LRP1B: variants seen among roughly 807,000 people sequenced by gnomAD.
LRP1B encodes LDL receptor related protein 1B, also known as low-density lipoprotein receptor-related protein 1B.
A neutral mutation model predicts 556.6 loss-of-function variants in LRP1B; 217 were observed. The observed-to-expected ratio is 0.39, with a 90% CI of 0.35 to 0.44. LRP1B has a LOEUF of 0.44. LRP1B is among the 20% of genes least tolerant of loss of function. The probability of loss-of-function intolerance (pLI) is 1.00; values close to 1 mark genes in which losing one functional copy is unlikely to be tolerated. For synonymous variants in LRP1B, 2,047 were observed against 1,865.8 expected (o/e 1.10, Z -2.50); for missense variants, 5,053 against 5,620.8 (o/e 0.90, Z 3.23).
At chr2:140,304,817 T>TATACAA (rs1400160076) in intron 83 of LRP1B, among the ~76,000 whole-genome samples, 1 of 152,214 alleles carries the variant, frequency 6.6e-6, no homozygotes, top group Non-Finnish European at 1.5e-5. Context: ...TAATCCATCT[T>TATACAA]GAATTAATTT....
intron 3 of LRP1B, among the ~76,000 whole-genome samples, chr2:141,269,471 T>C (rs904156405): frequency 2.0e-5 from 3 of 152,152 alleles, no homozygotes; most frequent in African/African-American, 7.2e-5. Context: ...CACAGCTTAA[T>C]AATAGAAAGA....
chr2:140,879,309 TGA>T (rs920232678), intron 25 of LRP1B, among the ~76,000 whole-genome samples: 67 of 152,180 alleles, frequency 4.4e-4, no homozygotes, highest in African/African-American at 1.6e-3. Context: ...ATAGGCACTG[TGA>T]ACTCTGAAAC....
At chr2:141,263,710 A>G (rs947050265) in intron 3 of LRP1B, among the ~76,000 whole-genome samples, 6 of 152,200 alleles carry the variant, frequency 3.9e-5, no homozygotes, top group Non-Finnish European at 7.4e-5. Context: ...AAGAAAAAAT[A>G]TAGAACAACA....
At chr2:141,496,566 C>T (rs912777079) in intron 2 of LRP1B, among the ~76,000 whole-genome samples, 6 of 152,004 alleles carry the variant, frequency 3.9e-5, no homozygotes, top group Admixed American at 3.9e-4. Flanking sequence ...AACACGATGT[C>T]GCTTACAGAA....
At chr2:141,660,375 G>A (rs1381439219) in intron 2 of LRP1B, among the ~76,000 whole-genome samples, 1 of 152,102 alleles carries the variant, frequency 6.6e-6, no homozygotes, top group Non-Finnish European at 1.5e-5. Flanking sequence ...CAAGCACAGA[G>A]CTGTGTAGAT....
intron 1 of LRP1B, among the ~76,000 whole-genome samples, chr2:141,874,030 G>A (rs1027659795): frequency 7.1e-6 from 1 of 141,360 alleles, no homozygotes; most frequent in Non-Finnish European, 1.5e-5. Flanking sequence ...ATAAAACACA[G>A]ACTGAAATTT....
chr2:141,016,380 G>C (rs1227166226), intron 12 of LRP1B, among the ~76,000 whole-genome samples: 1 of 152,102 alleles, frequency 6.6e-6, no homozygotes, highest in African/African-American at 2.4e-5. Context: ...AATCTCAGAT[G>C]AATTATGATT....
chr2:141,233,548 G>A (rs913791327), intron 5 of LRP1B, among the ~76,000 whole-genome samples: 1 of 152,058 alleles, frequency 6.6e-6, no homozygotes, highest in East Asian at 1.9e-4. Flanking sequence ...TATTTGACCA[G>A]GTTCATAAAA....
At chr2:140,796,030 T>C (rs1490792788) in intron 32 of LRP1B, among the ~76,000 whole-genome samples, 1 of 151,534 alleles carries the variant, frequency 6.6e-6, no homozygotes, top group African/African-American at 2.4e-5. Context: ...AGGGGCAATA[T>C]GTAACAATTA....
chr2:141,343,782 T>C (rs1473214477), intron 3 of LRP1B, among the ~76,000 whole-genome samples: 1 of 152,218 alleles, frequency 6.6e-6, no homozygotes, highest in Non-Finnish European at 1.5e-5. Context: ...TTGTATAGTT[T>C]TCTTATAAGC....
At chr2:140,628,224 T>A (rs1683739298) in intron 41 of LRP1B, among the ~76,000 whole-genome samples, 1 of 152,054 alleles carries the variant, frequency 6.6e-6, no homozygotes, top group Non-Finnish European at 1.5e-5. Flanking sequence ...AATACTAGTC[T>A]CCAAGTTTAA....
intron 3 of LRP1B, among the ~76,000 whole-genome samples, chr2:141,300,820 C>T (rs1686363760): frequency 6.6e-6 from 1 of 152,108 alleles, no homozygotes; most frequent in Non-Finnish European, 1.5e-5. Context: ...GCCAATTAAA[C>T]CTCTTTTCTG....
At chr2:141,084,301 G>A (rs1321899596) in intron 7 of LRP1B, among the ~76,000 whole-genome samples, 2 of 152,108 alleles carry the variant, frequency 1.3e-5, no homozygotes, top group African/African-American at 4.8e-5. Context: ...TGGTTAGAGG[G>A]TACAGAAGTT....
At chr2:141,086,336 A>C (rs1700045933) in intron 7 of LRP1B, among the ~76,000 whole-genome samples, 1 of 152,204 alleles carries the variant, frequency 6.6e-6, no homozygotes, top group African/African-American at 2.4e-5. Context: ...ATTATTTCCT[A>C]AAGAAGAGCT....
At chr2:141,790,681 C>G (rs1695582894) in intron 2 of LRP1B, among the ~76,000 whole-genome samples, 1 of 151,974 alleles carries the variant, frequency 6.6e-6, no homozygotes, top group South Asian at 2.1e-4. Context: ...ATCTATCTTA[C>G]AAACTATGGT....
At chr2:141,686,909 C>T (rs1328821300) in intron 2 of LRP1B, among the ~76,000 whole-genome samples, 2 of 151,966 alleles carry the variant, frequency 1.3e-5, no homozygotes, top group African/African-American at 4.8e-5. Context: ...TCTAAACTGT[C>T]TTAAGACTCT....
At position 141,058,949 on chromosome 2, in the gene LRP1B, G is replaced by T. The variant is rs1024479933; in HGVS notation, c.1342C>A (p.His448Asn). 6.2e-7 allele frequency: 1 copy of T among 1,600,182 alleles called. No individual in the cohort carries two copies. The highest frequency in any genetic ancestry group is 2.2e-5 in the East Asian group (1 of 44,494). ...GCATTCTCAATTTTAATTAATGAGT[G>T]AATATCAGTCCCATTAAATCGGTTT... ...RINRFNGTDI[H>N]SLIKIENAWG... Residue 448 changes from histidine to asparagine, a missense_variant, in exon 9 of 91, where the codon CAC becomes AAC. Around this residue, in one of 5 missense-constraint regions of LRP1B, gnomAD observed 3,619 missense variants for 3,931.9 expected, o/e 0.92. Transcript: ENST00000389484.
intron 1 of LRP1B, among the ~76,000 whole-genome samples, chr2:141,954,586 CA>C (rs752472703): frequency 2.0e-5 from 3 of 152,090 alleles, no homozygotes; most frequent in Non-Finnish European, 4.4e-5. Context: ...TATAAATTAA[CA>C]TGTTTTCTGG....
At chr2:141,818,576 A>G (rs1441395763) in intron 1 of LRP1B, among the ~76,000 whole-genome samples, 4 of 110,668 alleles carry the variant, frequency 3.6e-5, no homozygotes, top group East Asian at 2.7e-4. Flanking sequence ...TTGCTCTGTC[A>G]CCCAGGCTGT....
Sources: gnomAD v4.1 joint callset for allele counts (sites outside exome capture counted in the v4.1 genomes callset) on GRCh38, gnomAD v4.1.1 for gene constraint, gnomAD v4.1.1 regional missense constraint, MANE v1.5 for transcripts, NCBI Gene and HGNC (gene_info 2026-07-23, HGNC 2026-07-21) for gene names.